The following KDM7A variants were observed in gnomAD, a reference collection of about 807,000 sequenced individuals.
KDM7A encodes lysine demethylase 7A.
In KDM7A, 28 loss-of-function variants were observed where a neutral mutation model predicts 114.8. That is an observed-to-expected ratio of 0.24 (90% confidence interval 0.18 to 0.33). The LOEUF is 0.33. Among genes scored for constraint, KDM7A ranks in the 10% least tolerant of loss-of-function variants. The pLI is 1.00. For synonymous variants in KDM7A, 423 were observed against 397.8 expected (o/e 1.06, Z -0.75); for missense variants, 942 against 1,142.5 (o/e 0.82, Z 2.53).
At chr7:140,102,517 G>A (rs1333004073) in intron 11 of KDM7A, among the ~76,000 whole-genome samples, 2 of 152,038 alleles carry the variant, frequency 1.3e-5, no homozygotes, top group Admixed American at 6.6e-5. Flanking sequence ...CAAGTAGCTG[G>A]GACTACAGGC....
At position 140,102,126 on chromosome 7, in the gene KDM7A, A is replaced by G. The variant is rs1231311331; in HGVS notation, c.1463T>C (p.Ile488Thr). Residue 488 changes from isoleucine to threonine, a missense_variant, in exon 12 of 20, where the codon ATT becomes ACT. Coordinates refer to ENST00000397560, the MANE Select transcript of KDM7A (RefSeq NM_030647.2). The stretch of plus-strand genomic sequence containing the variant: ...TCGTGAAACTGGACACACAATAGGA[A>G]TTCCCTGAGATTTAACTGGTTTGCC... ...ENGKPVKSQG[I>T]PIVCPVSRSS... 20 of 1,613,880 alleles carry G rather than the reference A, an allele frequency of 1.2e-5. No homozygotes were observed. Among genetic ancestry groups the G allele is most frequent in the Non-Finnish European group, 1.7e-5 (20 of 1,179,872 alleles).
Position 140,097,626 on chromosome 7 carries a change from C to T in KDM7A, c.1935G>A (p.Val645=), listed in dbSNP as rs1818137282. ...QKPLNGFFTR[V]KSELRSRSSG... ...ATGATCTACTCCTGAGTTCTGATTT[C>T]ACACGTGTAAAAAACCCTGAAAAAG... Residue 645 remains valine (V), a synonymous_variant, in exon 15 of 20, where the codon GTG becomes GTA. Coordinates refer to ENST00000397560, the MANE Select transcript of KDM7A (RefSeq NM_030647.2). 3 of 1,594,906 alleles carry T rather than the reference C, an allele frequency of 1.9e-6. No individual in the cohort carries two copies. In the Admixed American group the frequency reaches 5.0e-5, roughly 27 times the overall value.
At chr7:140,151,143 G>T (rs780642095) in intron 1 of KDM7A, among the ~76,000 whole-genome samples, 1 of 151,974 alleles carries the variant, frequency 6.6e-6, no homozygotes, top group African/African-American at 2.4e-5. Context: ...AATAACCTCT[G>T]TTCTTAACAA....
chr7:140,175,734 G>T (rs1170331805), intron 1 of KDM7A, among the ~76,000 whole-genome samples: 1 of 152,090 alleles, frequency 6.6e-6, no homozygotes, highest in African/African-American at 2.4e-5. Context: ...CCCGGAGCGC[G>T]GCGGCGGCTG....
At chr7:140,172,534 T>G (rs996931836) in intron 1 of KDM7A, among the ~76,000 whole-genome samples, 1 of 151,976 alleles carries the variant, frequency 6.6e-6, no homozygotes. Flanking sequence ...GTGCCTGTAG[T>G]CCCAGCTACT....
At chr7:140,146,253 C>T (rs1023315564) in intron 1 of KDM7A, among the ~76,000 whole-genome samples, 3 of 152,096 alleles carry the variant, frequency 2.0e-5, no homozygotes, top group African/African-American at 2.4e-5. Context: ...AAATTAAACA[C>T]AAAAAGTTAA....
chr7:140,115,332 T>C (rs956783040), intron 9 of KDM7A, among the ~76,000 whole-genome samples: 4 of 152,304 alleles, frequency 2.6e-5, no homozygotes, highest in African/African-American at 9.6e-5. Flanking sequence ...ATGATGACAA[T>C]GGCAGTTTTG....
chr7:140,160,233 CTG>C (rs1794503519), intron 1 of KDM7A, among the ~76,000 whole-genome samples: 1 of 152,010 alleles, frequency 6.6e-6, no homozygotes, highest in African/African-American at 2.4e-5. Flanking sequence ...ATGGCAGAAA[CTG>C]TGATAGAGGC....
At position 140,085,902 on chromosome 7, in the gene KDM7A, A is replaced by G. The variant is rs1562941213; in HGVS notation, c.*5192T>C. 1 of 152,216 alleles carries G rather than the reference A, an allele frequency of 6.6e-6. No individual in the cohort carries two copies. The highest frequency in any genetic ancestry group is 1.5e-5 in the Non-Finnish European group (1 of 68,044). 9.4% of individuals were successfully genotyped at this position (152,216 alleles called of 1,614,324 possible). ...ATTATATTTTACATTTAATGCTGGT[A>G]AGTTTTACCAACCAAAATACACCAA... On this transcript the variant is annotated 3_prime_UTR_variant, in exon 20 of 20. Coordinates refer to ENST00000397560, the MANE Select transcript of KDM7A (RefSeq NM_030647.2).
intron 5 of KDM7A, 21 bp downstream of exon 5, chr7:140,127,421 A>C (rs749712336): frequency 6.2e-7 from 1 of 1,601,150 alleles, no homozygotes; most frequent in Non-Finnish European, 8.5e-7. Flanking sequence ...ATGCTAAACC[A>C]AAATACCCAG....
intron 19 of KDM7A, among the ~76,000 whole-genome samples, 186 bp downstream of exon 19, chr7:140,091,618 C>T (rs1220494089): frequency 4.6e-5 from 7 of 152,164 alleles, no homozygotes; most frequent in Non-Finnish European, 7.4e-5. Context: ...GTCTCTCGCT[C>T]CTCAGAGCTG....
chr7:140,152,501 T>A (rs1794411784), intron 1 of KDM7A, among the ~76,000 whole-genome samples: 1 of 151,332 alleles, frequency 6.6e-6, no homozygotes, highest in Admixed American at 6.6e-5. Context: ...GGACACACTT[T>A]TAATTCCAGC....
chr7:140,130,822 TG>T lies in KDM7A; in HGVS notation c.399-1170del, dbSNP rs540731080. On this transcript the variant is annotated intron_variant, in intron 3 of 19. Transcript: ENST00000397560. ...TCCCATTGACAACTACTGATTTAAA[TG>T]ACCCGTTACAACCAGTATTTAATAA... 4.0e-3 allele frequency among the ~76,000 whole-genome samples: 610 copies of T among 150,806 alleles called. 8 individuals carry two copies. Among genetic ancestry groups the T allele is most frequent in the African/African-American group, 0.014 (557 of 41,006 alleles).
intron 7 of KDM7A, among the ~76,000 whole-genome samples, chr7:140,122,316 A>G (rs1305558949): frequency 6.6e-6 from 1 of 151,378 alleles, no homozygotes; most frequent in Non-Finnish European, 1.5e-5. Context: ...AGGACATTAA[A>G]TCAATTTAAA....
intron 1 of KDM7A, among the ~76,000 whole-genome samples, chr7:140,172,470 A>G (rs1004418440): frequency 2.0e-5 from 3 of 151,968 alleles, no homozygotes; most frequent in African/African-American, 7.2e-5. Context: ...TGGCTAACAC[A>G]GTGAAACCCC....
At position 140,127,253 on chromosome 7, in the gene KDM7A, C is replaced by T. The variant is rs564606998; in HGVS notation, c.701+189G>A. ...TGGGATTAAGGCATAAGCCACTGTGCCCAGCCAAAAGTTTAAAATACATCT... is the reference window on the plus strand; with the variant it reads ...TGGGATTAAGGCATAAGCCACTGTGTCCAGCCAAAAGTTTAAAATACATCT... On this transcript the variant is annotated intron_variant, in intron 5 of 19. Coordinates refer to ENST00000397560, the MANE Select transcript of KDM7A (RefSeq NM_030647.2). Among the ~76,000 whole-genome samples the T allele has an allele frequency of 9.1e-4, 139 of 152,332 alleles. 2 individuals are homozygous for T. The South Asian group carries it at 0.027, about 30-fold the overall frequency.
chr7:140,157,971 A>T (rs553332297), intron 1 of KDM7A, among the ~76,000 whole-genome samples: 71 of 143,776 alleles, frequency 4.9e-4, no homozygotes, highest in African/African-American at 1.6e-3. Context: ...TCCGTCTCAA[A>T]AAATAAATAA....
At chr7:140,124,540 T>C in intron 7 of KDM7A, 81 bp downstream of exon 7, 3 of 963,812 alleles carry the variant, frequency 3.1e-6, no homozygotes, top group Admixed American at 2.7e-5. Context: ...TCCAAACATG[T>C]TAAAGCCAGA....
intron 1 of KDM7A, among the ~76,000 whole-genome samples, chr7:140,150,827 C>CTTTTTT (rs922394260): frequency 7.8e-6 from 1 of 127,866 alleles, no homozygotes; most frequent in Non-Finnish European, 1.7e-5. Flanking sequence ...AATCTCTGTT[C>CTTTTTT]TTTTTTTTTT....
Sources: gnomAD v4.1 joint callset for allele counts (sites outside exome capture counted in the v4.1 genomes callset) on GRCh38, gnomAD v4.1.1 for gene constraint, MANE v1.5 for transcripts, NCBI Gene and HGNC (gene_info 2026-07-23, HGNC 2026-07-21) for gene names.